The following FANCE variants were observed in gnomAD, a reference collection of about 807,000 sequenced individuals.
The protein encoded by FANCE is FA complementation group E, also known as Fanconi anemia group E protein.
Under a neutral mutation model 57.8 loss-of-function variants are expected in FANCE, and 42 were observed. The ratio of observed to expected loss-of-function variants is 0.73; its 90% CI spans 0.57 to 0.94. The LOEUF (loss-of-function observed/expected upper bound fraction) is 0.94. Among genes scored for constraint, FANCE ranks in the 40% least tolerant of loss-of-function variants. The probability of loss-of-function intolerance (pLI) is 0.00; values close to 1 mark genes in which losing one functional copy is unlikely to be tolerated. For missense variants in FANCE, 608 were observed against 661.8 expected (o/e 0.92, Z 0.89); for synonymous variants, 251 against 286.4 (o/e 0.88, Z 1.25).
chr6:35,466,567 C>A lies in FANCE; in HGVS notation c.*222C>A, dbSNP rs936656507. ...GGGAGCTCAGCTATATTTTCTTTTT[C>A]ATTTCTTTTGTTTTTGAGAGAAGGT... On this transcript the variant is annotated 3_prime_UTR_variant, in exon 10 of 10. Transcript: ENST00000229769. 1.1e-5 allele frequency: 6 copies of A among 549,132 alleles called. No homozygotes were observed. The highest frequency in any genetic ancestry group is 5.7e-5 in the African/African-American group (3 of 52,744). 34.0% of individuals were successfully genotyped at this position (549,132 alleles called of 1,614,324 possible).
At chr6:35,457,481 A>G in intron 2 of FANCE, 75 bp from the exon 3 acceptor site, 1 of 1,543,864 alleles carries the variant, frequency 6.5e-7, no homozygotes, top group Non-Finnish European at 8.9e-7. Context: ...CCTTTTCAGT[A>G]GGGGGAGCCA....
In FANCE at chr6:35,459,445, C is replaced by A; in HGVS notation, c.1228C>A (p.Pro410Thr). The stretch of plus-strand genomic sequence containing the variant: ...CCTCCTTGACCCTGTGCTCCAGGCC[C>A]CAGGCACAGGTAATTCTGGAACCAG... ...SALLDPVLQA[P>T]GTGPAQTELL... The change falls in exon 6 of 10, where the codon CCA becomes ACA. Residue 410 changes from proline to threonine, a missense_variant. Physicochemically the swap from Pro to Thr is conservative, Grantham distance 38. Transcript: ENST00000229769. 1 of 1,614,068 alleles carries A rather than the reference C, an allele frequency of 6.2e-7. No individual in the cohort carries two copies. Among genetic ancestry groups the A allele is most frequent in the Non-Finnish European group, 8.5e-7 (1 of 1,180,020 alleles).
At chr6:35,463,074 G>C (rs527559919) in intron 9 of FANCE, among the ~76,000 whole-genome samples, 160 bp downstream of exon 9, 2 of 152,276 alleles carry the variant, frequency 1.3e-5, no homozygotes, top group Non-Finnish European at 2.9e-5. Flanking sequence ...GCCGAGGCAG[G>C]CGGATCATGA....
intron 1 of FANCE, 60 bp downstream of exon 1, chr6:35,452,853 G>A: frequency 1.6e-6 from 2 of 1,261,382 alleles, no homozygotes; most frequent in Non-Finnish European, 2.0e-6. Flanking sequence ...TCGGGGGAAC[G>A]ACACACACAG....
chr6:35,455,834 T>A lies in FANCE; in HGVS notation c.336T>A (p.Ser112Arg), dbSNP rs1767306218. 6.2e-7 allele frequency: 1 copy of A among 1,614,192 alleles called. No homozygotes were observed. Among genetic ancestry groups the A allele is most frequent in the East Asian group, 2.2e-5 (1 of 44,882 alleles). The change falls in exon 2 of 10, where the codon AGT (serine) becomes AGA (arginine). Residue 112 changes from serine (S) to arginine (R), a missense_variant. Transcript: ENST00000229769. ...CCGTTCGGCCATCGCTGCCGGAAAG[T>A]GGGCTCCTCTCTGTGCTGCAGATTG... ...LMAVRPSLPESGLLSVLQIAQ... is the reference protein window; with the variant it reads ...LMAVRPSLPERGLLSVLQIAQ...
At chr6:35,455,172 G>A (rs1767274003) in intron 1 of FANCE, among the ~76,000 whole-genome samples, 1 of 152,224 alleles carries the variant, frequency 6.6e-6, no homozygotes, top group Non-Finnish European at 1.5e-5. Context: ...CTATTATAGA[G>A]TAGGTTCCAA....
In FANCE at chr6:35,452,570, C is replaced by A. The variant is rs956659254; in HGVS notation, c.25C>A (p.Pro9Thr). The A allele has an allele frequency of 3.7e-6, 5 of 1,334,930 alleles. No individual in the cohort carries two copies. Among genetic ancestry groups the A allele is most frequent in the Non-Finnish European group, 4.8e-6 (5 of 1,038,600 alleles). The allele number at this position is 1,334,930 out of a possible 1,614,324, so 82.7% of individuals were successfully genotyped here. ...CATGGCGACACCGGACGCGGGGCTC[C>A]CTGGGGCTGAGGGCGTGGAGCCGGC... MATPDAGL[P>T]GAEGVEPAPW... Residue 9 changes from proline (P) to threonine (T), a missense_variant, in exon 1 of 10, where the codon CCT becomes ACT. By Grantham distance (38) the Pro-to-Thr change is conservative (BLOSUM62 -1). Transcript: ENST00000229769.
At chr6:35,458,781 T>C (rs1025905234) in intron 5 of FANCE, among the ~76,000 whole-genome samples, 1 of 151,952 alleles carries the variant, frequency 6.6e-6, no homozygotes, top group African/African-American at 2.4e-5. Flanking sequence ...TTTGTATTTT[T>C]ATTTATTTAT....
At chr6:35,463,983 G>T (rs1004811861) in intron 9 of FANCE, among the ~76,000 whole-genome samples, 11 of 151,900 alleles carry the variant, frequency 7.2e-5, no homozygotes, top group Non-Finnish European at 1.5e-4. Context: ...CTTAAAAGGT[G>T]AATGGTAGTC....
rs1379935094 is a variant in FANCE, at chr6:35,456,036, T to G, written c.538T>G (p.Ser180Ala). The G allele has an allele frequency of 1.2e-6, 2 of 1,611,392 alleles. No individual in the cohort carries two copies. The highest frequency in any genetic ancestry group is 1.7e-6 in the Non-Finnish European group (2 of 1,179,214). ...GGGCCTGGGGGGCAGGAGGTTGAAA[T>G]CCCCCCAGGCTCCAGACCCTGAAGA... Reference protein sequence around the residue: ...GLGLGGRRLKSPQAPDPEEEE... With the variant: ...GLGLGGRRLKAPQAPDPEEEE... Residue 180 changes from serine to alanine, a missense_variant, in exon 2 of 10, where the codon TCC becomes GCC. Transcript: ENST00000229769. The surrounding 1 kb of genome is among the most constrained non-coding windows in gnomAD (Gnocchi z 4.3).
At chr6:35,453,426 G>T (rs1394525919) in intron 1 of FANCE, among the ~76,000 whole-genome samples, 1 of 151,732 alleles carries the variant, frequency 6.6e-6, no homozygotes, top group African/African-American at 2.4e-5. Context: ...CAATTTTTTG[G>T]CAGGCATTCT....
chr6:35,455,266 T>G (rs1309635119), intron 1 of FANCE, among the ~76,000 whole-genome samples: 5 of 152,076 alleles, frequency 3.3e-5, no homozygotes, highest in African/African-American at 1.2e-4. Flanking sequence ...ACTTGAACAG[T>G]TCTCATCTTT....
chr6:35,460,849 G>T (rs1345451467), intron 8 of FANCE, among the ~76,000 whole-genome samples: 1 of 152,170 alleles, frequency 6.6e-6, no homozygotes, highest in African/African-American at 2.4e-5. Flanking sequence ...GGGGCCTTGG[G>T]GGTGGGATTT....
rs1485284852 is a variant in FANCE, at chr6:35,456,356, A to G, written c.855+3A>G. On this transcript the variant is annotated splice_donor_region_variant and intron_variant, in intron 2 of 9. Transcript: ENST00000229769. The surrounding 1 kb of genome is among the most constrained non-coding windows in gnomAD (Gnocchi z 4.3). ...TGGAGTTGCCCAAAGCTATCCAGGT[A>G]CTTTGGTAGGGAGACTGGGTTTAGA... The G allele has an allele frequency of 6.2e-7, 1 of 1,614,026 alleles. No homozygotes were observed. The highest frequency in any genetic ancestry group is 1.3e-5 in the African/African-American group (1 of 74,904).
At chr6:35,457,843 C>T in intron 3 of FANCE, 73 bp from the exon 4 acceptor site, 1 of 1,338,762 alleles carries the variant, frequency 7.5e-7, no homozygotes, top group South Asian at 1.2e-5. Flanking sequence ...CTCCTTCTGC[C>T]ACCTGAAGGG....
In FANCE at chr6:35,456,213, C is replaced by T. The variant is rs1360878836; in HGVS notation, c.715C>T (p.Leu239=). 1 of 1,614,188 alleles carries T rather than the reference C, an allele frequency of 6.2e-7. No homozygotes were observed. Among genetic ancestry groups the T allele is most frequent in the African/African-American group, 1.3e-5 (1 of 75,038 alleles). The part of the protein sequence containing the change: ...HEKERPEHKS[L]ESLADGGSAS... ...GAAGGAGAGACCCGAACATAAGTCA[C>T]TGGAATCCCTGGCAGATGGAGGAAG... is the stretch of plus-strand genomic sequence containing the variant. The change falls in exon 2 of 10, where the codon CTG becomes TTG. Residue 239 remains leucine (L), a synonymous_variant. Transcript: ENST00000229769. The surrounding 1 kb of genome is among the most constrained non-coding windows in gnomAD (Gnocchi z 4.3).
At chr6:35,460,925 T>C (rs1767564391) in intron 8 of FANCE, among the ~76,000 whole-genome samples, 1 of 151,622 alleles carries the variant, frequency 6.6e-6, no homozygotes, top group Non-Finnish European at 1.5e-5. Flanking sequence ...TTCACAAATT[T>C]TTTTTTTTTT....
In FANCE at chr6:35,457,781, A is replaced by G. The variant is rs1767407940; in HGVS notation, c.901-135A>G. 3.0e-6 allele frequency: 3 copies of G among 1,009,250 alleles called. No individual in the cohort carries two copies. The South Asian group carries it at 3.9e-5, about 13-fold the overall frequency. 62.5% of individuals were successfully genotyped at this position (1,009,250 alleles called of 1,614,324 possible). A position where few individuals can be genotyped will look rare whatever the true frequency, so the allele number is the denominator to read the frequency against. On this transcript the variant is annotated intron_variant, in intron 3 of 9. Transcript: ENST00000229769. ...TGAACCAAGTGTAGACTTACCATCT[A>G]ACCCCAGGTAACTTCCTCTTCTCTG...
chr6:35,457,862 A>G lies in FANCE; in HGVS notation c.901-54A>G. On this transcript the variant is annotated intron_variant, in intron 3 of 9. Coordinates refer to ENST00000229769, the MANE Select transcript of FANCE (RefSeq NM_021922.3). Reference sequence around the variant, plus strand: ...TTCTGCCACCTGAAGGGGTGGCTTCAGTGACTTGTCACTGAGGGCTCTGCC... The same window carrying G: ...TTCTGCCACCTGAAGGGGTGGCTTCGGTGACTTGTCACTGAGGGCTCTGCC... 11 of 1,518,476 alleles carry G rather than the reference A, an allele frequency of 7.2e-6. No individual in the cohort carries two copies. The South Asian group carries it at 1.2e-4, about 17-fold the overall frequency. 94.1% of individuals were successfully genotyped at this position (1,518,476 alleles called of 1,614,324 possible).
Sources: gnomAD v4.1 joint callset for allele counts (sites outside exome capture counted in the v4.1 genomes callset) on GRCh38, gnomAD v4.1.1 for gene constraint, Gnocchi (gnomAD v3.1) non-coding constraint, MANE v1.5 for transcripts, NCBI Gene and HGNC (gene_info 2026-07-23, HGNC 2026-07-21) for gene names.